The following DPP6 variants were observed in gnomAD, a reference collection of about 807,000 sequenced individuals.
DPP6 encodes the protein dipeptidyl peptidase like 6.
A neutral mutation model predicts 122.6 loss-of-function variants in DPP6; 69 were observed. The ratio of observed to expected loss-of-function variants is 0.56; its 90% CI spans 0.46 to 0.69. DPP6 has a LOEUF of 0.69. Among genes scored for constraint, DPP6 ranks in the 30% least tolerant of loss-of-function variants. The probability of loss-of-function intolerance (pLI) is 0.00; values close to 1 mark genes in which losing one functional copy is unlikely to be tolerated. For missense variants in DPP6, 928 were observed against 1,116.9 expected, an observed-to-expected ratio of 0.83 and a Z score of 2.41; for synonymous variants, 418 against 433.1, an observed-to-expected ratio of 0.97 and a Z score of 0.43.
the DPP6 span, among the ~76,000 whole-genome samples, chr7:153,775,334 TA>T: frequency 1.4e-5 from 2 of 146,266 alleles, no homozygotes; most frequent in Non-Finnish European, 3.0e-5. Context: ...AATTTGAAAA[TA>T]AATTATAATA....
rs557022686 is a variant in DPP6 at position 154,646,008 on chromosome 7, G to A, written c.680+8135G>A. Among the ~76,000 whole-genome samples the A allele has an allele frequency of 1.6e-3, 188 of 114,340 alleles. 1 individual carries two copies. The highest frequency in any genetic ancestry group is 5.5e-3 in the African/African-American group (166 of 30,250). The allele number at this position is 114,340 out of a possible 152,430, so 75.0% of individuals were successfully genotyped here. On this transcript the variant is annotated intron_variant, in intron 6 of 25. Transcript: ENST00000377770. ...GTGCCACTGCACTCCAGCTCGGGCG[G>A]CAGAGTGAGACTCCGTCTCAAAAAA...
intron 3 of DPP6, among the ~76,000 whole-genome samples, chr7:154,489,458 G>A (rs1243262290): frequency 1.3e-5 from 2 of 152,106 alleles, no homozygotes; most frequent in East Asian, 3.9e-4. Context: ...CGTGCTTTGT[G>A]GTGTCTTTTC....
At chr7:154,429,813 C>A (rs926747664) in intron 1 of DPP6, among the ~76,000 whole-genome samples, 2 of 152,078 alleles carry the variant, frequency 1.3e-5, no homozygotes, top group African/African-American at 4.8e-5. Context: ...AGCAGTACCA[C>A]GTGTCTTATG....
intron 1 of DPP6, among the ~76,000 whole-genome samples, chr7:154,310,723 C>G (rs897479030): frequency 5.9e-5 from 9 of 152,186 alleles, no homozygotes; most frequent in African/African-American, 1.4e-4. Context: ...AACATCTTAG[C>G]TCCAGCGTGC....
chr7:153,761,813 C>A, the DPP6 span, among the ~76,000 whole-genome samples: 1 of 152,298 alleles, frequency 6.6e-6, no homozygotes, highest in Admixed American at 6.5e-5. Flanking sequence ...GGACTCCTTG[C>A]TATTATTCCT....
intron 1 of DPP6, among the ~76,000 whole-genome samples, chr7:154,042,061 C>T (rs1799794215): frequency 6.6e-6 from 1 of 152,126 alleles, no homozygotes; most frequent in African/African-American, 2.4e-5. Context: ...CTGGCCTCTT[C>T]TCATGGTTTC....
chr7:154,883,114 C>CAT (rs1805548908), intron 21 of DPP6, among the ~76,000 whole-genome samples: 1 of 150,602 alleles, frequency 6.6e-6, no homozygotes, highest in Non-Finnish European at 1.5e-5. Context: ...CTCTCACATA[C>CAT]ATGTGCTCAC....
intron 5 of DPP6, among the ~76,000 whole-genome samples, chr7:154,629,945 T>C (rs1835307364): frequency 6.6e-6 from 1 of 152,162 alleles, no homozygotes; most frequent in Admixed American, 6.6e-5. Context: ...AAGTAAGAGT[T>C]TCGTGGACTC....
intron 8 of DPP6, among the ~76,000 whole-genome samples, chr7:154,750,078 A>C (rs1439061238): frequency 6.6e-6 from 1 of 152,120 alleles, no homozygotes; most frequent in Non-Finnish European, 1.5e-5. Flanking sequence ...TGCAATAGAG[A>C]AGGTGCAAAG....
intron 1 of DPP6, among the ~76,000 whole-genome samples, chr7:154,140,080 G>A (rs1281272474): frequency 1.3e-5 from 2 of 152,166 alleles, no homozygotes; most frequent in Non-Finnish European, 1.5e-5. Context: ...CTGCTCACTG[G>A]TCATGATATC....
chr7:154,072,940 C>T (rs184533157), intron 1 of DPP6, among the ~76,000 whole-genome samples: 42 of 152,358 alleles, frequency 2.8e-4, no homozygotes, highest in Middle Eastern at 3.4e-3. Flanking sequence ...GGGACCCACA[C>T]GCTCACGCAG....
intron 1 of DPP6, among the ~76,000 whole-genome samples, chr7:154,394,688 G>T (rs1034736737): frequency 2.0e-4 from 30 of 151,976 alleles, no homozygotes; most frequent in African/African-American, 7.0e-4. Context: ...ATGAAGTTTT[G>T]CCCTGTCTTT....
the DPP6 span, among the ~76,000 whole-genome samples, chr7:153,759,915 G>GTCTCTC: frequency 7.8e-6 from 1 of 128,024 alleles, no homozygotes; most frequent in Non-Finnish European, 1.5e-5. Flanking sequence ...CTCTGTTTCT[G>GTCTCTC]TCTCTCTCTC....
rs540663105 is a variant in DPP6 at position 154,052,629 on chromosome 7, G to T, written c.-192G>T. 100 of 1,273,386 alleles carry T rather than the reference G, an allele frequency of 7.9e-5. No homozygotes were observed. In the African/African-American group the frequency reaches 1.5e-3, roughly 19 times the overall value. The allele number at this position is 1,273,386 out of a possible 1,614,324, so 78.9% of individuals were successfully genotyped here. ...GGAGGAGGCTGAGCCAGGCAGAGTC[G>T]CCAGCGGAGACTCGCGAGTGGCGCG... On this transcript the variant is annotated 5_prime_UTR_variant, in exon 1 of 26. Coordinates refer to ENST00000377770, the MANE Select transcript of DPP6 (RefSeq NM_130797.4). The surrounding 1 kb of genome is among the most constrained non-coding windows in gnomAD (Gnocchi z 4.8).
At chr7:153,784,312 T>C in the DPP6 span, among the ~76,000 whole-genome samples, 2,860 of 152,338 alleles carry the variant, frequency 0.019, 34 homozygotes, top group African/African-American at 0.036. Context: ...ATAAATTTAA[T>C]TGTAGAAGAT....
intron 1 of DPP6, among the ~76,000 whole-genome samples, chr7:154,032,735 AT>A (rs890132205): frequency 1.6e-4 from 24 of 151,704 alleles, no homozygotes; most frequent in Admixed American, 1.3e-3. Context: ...CTAGGAGTTC[AT>A]TTTTTTTCTG....
At chr7:154,546,501 A>G (rs1586595206) in intron 4 of DPP6, among the ~76,000 whole-genome samples, 1 of 152,186 alleles carries the variant, frequency 6.6e-6, no homozygotes, top group East Asian at 1.9e-4. Flanking sequence ...AAAAAAAAAA[A>G]AAAGTATTCT....
intron 16 of DPP6, among the ~76,000 whole-genome samples, chr7:154,828,476 CTTAAAAAG>C (rs766555906): frequency 3.3e-5 from 5 of 152,158 alleles, no homozygotes; most frequent in Non-Finnish European, 7.4e-5. Flanking sequence ...TTCTCAAAAA[CTTAAAAAG>C]TTTTCTAAAG....
intron 1 of DPP6, among the ~76,000 whole-genome samples, chr7:154,159,253 AG>A (rs1563260789): frequency 1.3e-5 from 2 of 152,164 alleles, no homozygotes; most frequent in Non-Finnish European, 2.9e-5. Context: ...CATCCTCGCC[AG>A]GTACTTCGGT....
Sources: allele counts gnomAD v4.1 joint callset (sites outside exome capture counted in the v4.1 genomes callset), GRCh38; gene constraint gnomAD v4.1.1; non-coding constraint Gnocchi (gnomAD v3.1); transcripts MANE v1.5; gene names NCBI Gene and HGNC (gene_info 2026-07-23, HGNC 2026-07-21).